NRG3: variants seen among roughly 807,000 people sequenced by gnomAD.
NRG3 encodes the protein neuregulin 3.
In NRG3, 31 loss-of-function variants were observed where a neutral mutation model predicts 66.9. The observed-to-expected ratio is 0.46, with a 90% CI of 0.35 to 0.63. The LOEUF (loss-of-function observed/expected upper bound fraction) is 0.63. Ranked by LOEUF, NRG3 falls within the 20% of genes least tolerant of loss-of-function variation. The probability of loss-of-function intolerance (pLI) is 0.00; values close to 1 mark genes in which losing one functional copy is unlikely to be tolerated. For missense variants in NRG3, 910 were observed against 878.9 expected (o/e 1.04, Z -0.45); for synonymous variants, 393 against 359.4 (o/e 1.09, Z -1.06).
At chr10:82,222,002 C>T (rs189005497) in intron 1 of NRG3, among the ~76,000 whole-genome samples, 1 of 151,894 alleles carries the variant, frequency 6.6e-6, no homozygotes, top group African/African-American at 2.4e-5. Flanking sequence ...TTGCAGTTGC[C>T]TGACATGACA....
intron 2 of NRG3, among the ~76,000 whole-genome samples, chr10:82,730,539 C>T (rs1446689278): frequency 6.6e-6 from 1 of 152,156 alleles, no homozygotes; most frequent in East Asian, 1.9e-4. Flanking sequence ...CTAAAGCAGC[C>T]GTTACTCTGA....
chr10:82,953,457 C>A (rs1327924071), intron 5 of NRG3, among the ~76,000 whole-genome samples: 2 of 151,932 alleles, frequency 1.3e-5, no homozygotes, highest in African/African-American at 4.9e-5. Context: ...GAGTTACTCT[C>A]TTTTGTGCAG....
chr10:82,254,394 T>C (rs1005129714), intron 1 of NRG3, among the ~76,000 whole-genome samples: 1 of 152,152 alleles, frequency 6.6e-6, no homozygotes, highest in African/African-American at 2.4e-5. Context: ...TATGATCAGG[T>C]TGCAGTGTAA....
chr10:82,576,817 G>A (rs1436872717), intron 2 of NRG3, among the ~76,000 whole-genome samples: 1 of 151,612 alleles, frequency 6.6e-6, no homozygotes, highest in Non-Finnish European at 1.5e-5. Context: ...AGACATAATA[G>A]GTTTGTTAGT....
chr10:82,716,916 T>C (rs535372810), intron 2 of NRG3, among the ~76,000 whole-genome samples: 1 of 152,334 alleles, frequency 6.6e-6, no homozygotes, highest in Admixed American at 6.5e-5. Flanking sequence ...AATTACATAA[T>C]ATGAAAACAT....
At chr10:82,576,289 C>T (rs2046028454) in intron 2 of NRG3, among the ~76,000 whole-genome samples, 1 of 151,466 alleles carries the variant, frequency 6.6e-6, no homozygotes, top group African/African-American at 2.4e-5. Flanking sequence ...TATCTTTTTG[C>T]TTACTGGGCA....
intron 1 of NRG3, among the ~76,000 whole-genome samples, chr10:81,886,864 C>T (rs993832002): frequency 6.6e-6 from 1 of 151,986 alleles, no homozygotes; most frequent in Non-Finnish European, 1.5e-5. Flanking sequence ...TTACTGGTCA[C>T]TAGATTTAAT....
intron 3 of NRG3, among the ~76,000 whole-genome samples, chr10:82,835,523 C>T (rs1397949339): frequency 1.3e-5 from 2 of 152,118 alleles, no homozygotes; most frequent in African/African-American, 2.4e-5. Context: ...TTAGTCTTGG[C>T]TCTCAGTGAT....
At chr10:82,968,581 G>T (rs1366846704) in intron 6 of NRG3, among the ~76,000 whole-genome samples, 1 of 149,152 alleles carries the variant, frequency 6.7e-6, no homozygotes, top group Non-Finnish European at 1.5e-5. Context: ...CTATCTCTCA[G>T]ATTCTAAGCA....
intron 2 of NRG3, among the ~76,000 whole-genome samples, chr10:82,727,689 G>T (rs1198584678): frequency 1.3e-5 from 2 of 152,206 alleles, no homozygotes; most frequent in Non-Finnish European, 2.9e-5. Context: ...AGTCCCTACT[G>T]GGGCACTGTC....
chr10:82,118,215 CTA>C (rs2067850749), intron 1 of NRG3, among the ~76,000 whole-genome samples: 2 of 133,284 alleles, frequency 1.5e-5, no homozygotes, highest in Non-Finnish European at 3.1e-5. Context: ...AGTAAGGACT[CTA>C]AAAAAAAAAA....
chr10:82,174,517 G>A (rs1000781024), intron 1 of NRG3, among the ~76,000 whole-genome samples: 1 of 151,816 alleles, frequency 6.6e-6, no homozygotes, highest in Non-Finnish European at 1.5e-5. Context: ...TTTGTTTTAA[G>A]TTTAGAAATC....
intron 2 of NRG3, among the ~76,000 whole-genome samples, chr10:82,449,801 G>A (rs1347492868): frequency 6.6e-6 from 1 of 152,016 alleles, no homozygotes; most frequent in Non-Finnish European, 1.5e-5. Context: ...GTTTTTTTGA[G>A]CAACCTGTCT....
chr10:82,480,535 A>AT (rs1253636655), intron 2 of NRG3, among the ~76,000 whole-genome samples: 3 of 152,168 alleles, frequency 2.0e-5, no homozygotes, highest in East Asian at 1.9e-4. Flanking sequence ...TGTGTTGACC[A>AT]TTTTTTTGGT....
intron 3 of NRG3, among the ~76,000 whole-genome samples, chr10:82,863,523 C>T (rs1024020093): frequency 2.6e-5 from 4 of 152,108 alleles, no homozygotes; most frequent in Non-Finnish European, 4.4e-5. Flanking sequence ...CAGCATCTGT[C>T]GTTTCTTGAC....
intron 3 of NRG3, among the ~76,000 whole-genome samples, chr10:82,829,861 T>G (rs1257461610): frequency 6.6e-6 from 1 of 152,182 alleles, no homozygotes; most frequent in Non-Finnish European, 1.5e-5. Context: ...TGGTTGATTT[T>G]TCTACAAGGT....
intron 4 of NRG3, among the ~76,000 whole-genome samples, chr10:82,898,308 A>G (rs1327815870): frequency 1.3e-5 from 2 of 152,098 alleles, no homozygotes; most frequent in African/African-American, 4.8e-5. Context: ...ATCAATTCCT[A>G]AATCCTTCTC....
At chr10:82,322,650 T>C (rs768949637) in intron 1 of NRG3, among the ~76,000 whole-genome samples, 1 of 152,198 alleles carries the variant, frequency 6.6e-6, no homozygotes, top group Non-Finnish European at 1.5e-5. Flanking sequence ...ACAAATTCAA[T>C]GCATACAGGT....
intron 4 of NRG3, among the ~76,000 whole-genome samples, chr10:82,868,106 A>G (rs1288419782): frequency 2.0e-5 from 3 of 152,172 alleles, no homozygotes; most frequent in Non-Finnish European, 4.4e-5. Context: ...CAGTGTAGCC[A>G]TGGCTGTAGC....
Sources: gnomAD v4.1 joint callset for allele counts (sites outside exome capture counted in the v4.1 genomes callset) on GRCh38, gnomAD v4.1.1 for gene constraint, MANE v1.5 for transcripts, NCBI Gene and HGNC (gene_info 2026-07-23, HGNC 2026-07-21) for gene names.